Variants in LRP1B observed in about 807,000 individuals in gnomAD.
LRP1B encodes low-density lipoprotein receptor-related protein 1B.
LRP1B carries 217 observed loss-of-function variants against 556.6 expected under a neutral mutation model. The observed-to-expected ratio is 0.39, with a 90% CI of 0.35 to 0.44. The LOEUF (loss-of-function observed/expected upper bound fraction) is 0.44, where lower values mean the gene tolerates loss of function less well. Among genes scored for constraint, LRP1B ranks in the 20% least tolerant of loss-of-function variants. The pLI is 1.00. For synonymous variants in LRP1B, 2,047 were observed against 1,865.8 expected (o/e 1.10, Z -2.50); for missense variants, 5,053 against 5,620.8 (o/e 0.90, Z 3.23).
rs113150514 is a variant in LRP1B at position 141,071,580 on chromosome 2, G to T, written c.1014-9307C>A. ...AGTCAAATTGTCCCTGTTTGCAGAT[G>T]ACATGACTGTGTATCTAGAAAACCC... On this transcript the variant is annotated intron_variant, in intron 7 of 90. Coordinates refer to ENST00000389484, the MANE Select transcript of LRP1B (RefSeq NM_018557.3). Among the ~76,000 whole-genome samples the T allele has an allele frequency of 2.2e-4, 33 of 152,242 alleles. 1 individual carries two copies. Among genetic ancestry groups the T allele is most frequent in the African/African-American group, 7.7e-4 (32 of 41,550 alleles).
chr2:141,106,825 C>T (rs1485017144), intron 7 of LRP1B, among the ~76,000 whole-genome samples: 1 of 152,122 alleles, frequency 6.6e-6, no homozygotes, highest in Non-Finnish European at 1.5e-5. Flanking sequence ...TTGGTAAATT[C>T]TTACCAATCC....
intron 3 of LRP1B, among the ~76,000 whole-genome samples, chr2:141,423,114 T>C (rs1033111952): frequency 3.6e-4 from 55 of 151,976 alleles, no homozygotes; most frequent in Non-Finnish European, 2.6e-4. Flanking sequence ...ATTTTTCTAT[T>C]TCATTAATTT....
At chr2:141,704,773 T>A (rs550386784) in intron 2 of LRP1B, among the ~76,000 whole-genome samples, 1 of 151,960 alleles carries the variant, frequency 6.6e-6, no homozygotes, top group Non-Finnish European at 1.5e-5. Flanking sequence ...TCCGCCCATA[T>A]CTTCCCATGT....
At chr2:140,509,496 T>G (rs1689562613) in intron 52 of LRP1B, among the ~76,000 whole-genome samples, 1 of 152,142 alleles carries the variant, frequency 6.6e-6, no homozygotes, top group Non-Finnish European at 1.5e-5. Context: ...GACTAATAGG[T>G]GTTTACTGAC....
Position 141,630,982 on chromosome 2 carries a change from T to C in LRP1B, c.206-150449A>G, listed in dbSNP as rs183327205. 2.6e-5 allele frequency among the ~76,000 whole-genome samples: 4 copies of C among 152,308 alleles called. No homozygotes were observed. The East Asian group carries it at 7.7e-4, about 29-fold the overall frequency. On this transcript the variant is annotated intron_variant, in intron 2 of 90. Transcript: ENST00000389484. ...TCACTAGTATATTGTAATCATCTCCTATTGCATTAGTCTGTTCTCATGCTG... is the reference window on the plus strand; with the variant it reads ...TCACTAGTATATTGTAATCATCTCCCATTGCATTAGTCTGTTCTCATGCTG...
At chr2:141,574,482 T>C (rs946613080) in intron 2 of LRP1B, among the ~76,000 whole-genome samples, 4 of 151,282 alleles carry the variant, frequency 2.6e-5, no homozygotes, top group Non-Finnish European at 4.4e-5. Flanking sequence ...ACCCACAGCG[T>C]CAGTATCATT....
chr2:140,673,637 T>C (rs1473382992), intron 41 of LRP1B, among the ~76,000 whole-genome samples: 1 of 152,174 alleles, frequency 6.6e-6, no homozygotes, highest in Non-Finnish European at 1.5e-5. Context: ...TTAAAAGCCA[T>C]TTACAGATTT....
At chr2:140,275,305 G>C (rs965249315) in intron 84 of LRP1B, among the ~76,000 whole-genome samples, 1 of 152,010 alleles carries the variant, frequency 6.6e-6, no homozygotes, top group Non-Finnish European at 1.5e-5. Flanking sequence ...AGTTGCCTTT[G>C]CTCACTAGAA....
intron 3 of LRP1B, among the ~76,000 whole-genome samples, chr2:141,287,536 A>G (rs768181408): frequency 6.6e-5 from 10 of 152,104 alleles, no homozygotes; most frequent in Non-Finnish European, 1.3e-4. Context: ...TCTCTAAGCA[A>G]TACTTTATCT....
At chr2:141,268,140 G>A (rs1404615682) in intron 3 of LRP1B, among the ~76,000 whole-genome samples, 1 of 152,034 alleles carries the variant, frequency 6.6e-6, no homozygotes, top group South Asian at 2.1e-4. Context: ...CCAACACCAC[G>A]CCTGGCATAC....
chr2:141,125,585 C>T lies in LRP1B; in HGVS notation c.1013+62836G>A, dbSNP rs138920464. Among the ~76,000 whole-genome samples the T allele has an allele frequency of 1.2e-4, 19 of 152,234 alleles. No individual in the cohort carries two copies. In the East Asian group the frequency reaches 2.3e-3, roughly 19 times the overall value. ...GGTTCTATTTACTTCTCCACTGACACGCCCTTGCACAGTGAAGGCACACAC... is the reference window on the plus strand; with the variant it reads ...GGTTCTATTTACTTCTCCACTGACATGCCCTTGCACAGTGAAGGCACACAC... On this transcript the variant is annotated intron_variant, in intron 7 of 90. Coordinates refer to ENST00000389484, the MANE Select transcript of LRP1B (RefSeq NM_018557.3).
chr2:141,202,938 G>A (rs536485609), intron 6 of LRP1B, among the ~76,000 whole-genome samples: 1 of 151,724 alleles, frequency 6.6e-6, no homozygotes, highest in Non-Finnish European at 1.5e-5. Flanking sequence ...ACCATGTGTT[G>A]TCAGTGTTCA....
intron 87 of LRP1B, among the ~76,000 whole-genome samples, chr2:140,241,048 C>A (rs1295127130): frequency 6.6e-6 from 1 of 150,850 alleles, no homozygotes; most frequent in Non-Finnish European, 1.5e-5. Flanking sequence ...TGTAAAATAA[C>A]CAACCATCTC....
intron 6 of LRP1B, 112 bp from the exon 7 acceptor site, chr2:141,188,695 C>A (rs1318329487): frequency 1.1e-6 from 1 of 874,224 alleles, no homozygotes; most frequent in Non-Finnish European, 1.7e-6. Context: ...AAAGTATAGA[C>A]ATTTTTATGA....
At chr2:141,473,107 T>C (rs1362721620) in intron 3 of LRP1B, among the ~76,000 whole-genome samples, 1 of 152,178 alleles carries the variant, frequency 6.6e-6, no homozygotes, top group African/African-American at 2.4e-5. Context: ...TAAGTCTCTT[T>C]AGCAGTATTA....
At chr2:141,877,349 T>G (rs1477282977) in intron 1 of LRP1B, among the ~76,000 whole-genome samples, 1 of 151,968 alleles carries the variant, frequency 6.6e-6, no homozygotes, top group Non-Finnish European at 1.5e-5. Flanking sequence ...AGCAAGGGAT[T>G]TCATTTCCCA....
At chr2:141,783,351 GA>G (rs1419430030) in intron 2 of LRP1B, among the ~76,000 whole-genome samples, 1 of 151,934 alleles carries the variant, frequency 6.6e-6, no homozygotes, top group Non-Finnish European at 1.5e-5. Flanking sequence ...GTAAAAAGAA[GA>G]AATAATTCAA....
At chr2:142,005,862 TC>T (rs1702784894) in intron 1 of LRP1B, among the ~76,000 whole-genome samples, 3 of 146,812 alleles carry the variant, frequency 2.0e-5, no homozygotes, top group Non-Finnish European at 4.5e-5. Context: ...AATGGTCTCC[TC>T]CTCTTTCTCT....
At chr2:141,866,679 C>T (rs1025300368) in intron 1 of LRP1B, among the ~76,000 whole-genome samples, 1 of 151,516 alleles carries the variant, frequency 6.6e-6, no homozygotes, top group Admixed American at 6.6e-5. Flanking sequence ...TAGAACCTAA[C>T]ACAGCTCTAT....
Sources: allele counts gnomAD v4.1 joint callset (sites outside exome capture counted in the v4.1 genomes callset), GRCh38; gene constraint gnomAD v4.1.1; transcripts MANE v1.5; gene names NCBI Gene and HGNC (gene_info 2026-07-23, HGNC 2026-07-21).